The following GPR89B variants were observed in gnomAD, a reference collection of about 807,000 sequenced individuals.
GPR89B encodes golgi pH regulator B.
A neutral mutation model predicts 52.4 loss-of-function variants in GPR89B; 25 were observed. The ratio of observed to expected loss-of-function variants is 0.48; its 90% CI spans 0.35 to 0.67. The LOEUF (loss-of-function observed/expected upper bound fraction) is 0.67. Among genes scored for constraint, GPR89B ranks in the 30% least tolerant of loss-of-function variants. The pLI, the probability that GPR89B is intolerant of heterozygous loss-of-function variation, is 0.01. For synonymous variants in GPR89B, 52 were observed against 151.2 expected (o/e 0.34, Z 4.81); for missense variants, 146 against 450.2 (o/e 0.32, Z 6.11).
chr1:147,981,636 T>C (rs1658260593), intron 10 of GPR89B, among the ~76,000 whole-genome samples: 3 of 151,558 alleles, frequency 2.0e-5, no homozygotes, highest in Non-Finnish European at 4.4e-5. Context: ...AATGCTGATG[T>C]GAACATTTGT....
At chr1:147,990,820 G>T (rs2149096714) in intron 12 of GPR89B, among the ~76,000 whole-genome samples, 2 of 151,066 alleles carry the variant, frequency 1.3e-5, no homozygotes, top group South Asian at 4.2e-4. Context: ...CTCTGTTTTG[G>T]TACCAGTACC....
the GPR89B span, among the ~76,000 whole-genome samples, chr1:148,025,523 C>CAAAAAAAAA: frequency 1.7e-4 from 5 of 29,686 alleles, no homozygotes; most frequent in Admixed American, 5.0e-4. Context: ...AACTCTGTCT[C>CAAAAAAAAA]AAAAAAAAAA....
At chr1:147,945,762 T>C (rs1438470793) in intron 5 of GPR89B, among the ~76,000 whole-genome samples, 2 of 151,042 alleles carry the variant, frequency 1.3e-5, no homozygotes, top group African/African-American at 4.9e-5. Flanking sequence ...GGTCTCACTC[T>C]CACCCAGGCT....
intron 5 of GPR89B, among the ~76,000 whole-genome samples, chr1:147,950,093 C>T (rs1457934948): frequency 4.0e-5 from 6 of 151,310 alleles, no homozygotes; most frequent in South Asian, 2.1e-4. Flanking sequence ...ACCTCCCTCC[C>T]GGACGGGGTG....
chr1:147,934,622 C>G (rs1471532182), intron 1 of GPR89B, among the ~76,000 whole-genome samples: 1 of 152,190 alleles, frequency 6.6e-6, no homozygotes, highest in African/African-American at 2.4e-5. Context: ...CAAATTAAAA[C>G]TTCCTTCGGC....
At chr1:147,991,877 A>G (rs1230296100) in intron 12 of GPR89B, among the ~76,000 whole-genome samples, 3 of 151,824 alleles carry the variant, frequency 2.0e-5, no homozygotes, top group Non-Finnish European at 4.4e-5. Context: ...TTTTGCATCG[A>G]TGTTCATCAG....
Position 147,983,475 on chromosome 1 carries a change from T to A in GPR89B, c.910-2724T>A, listed in dbSNP as rs1311175562. Among the ~76,000 whole-genome samples the A allele has an allele frequency of 5.3e-5, 8 of 151,894 alleles. No homozygotes were observed. The South Asian group carries it at 1.5e-3, about 28-fold the overall frequency. On this transcript the variant is annotated intron_variant, in intron 10 of 13. Coordinates refer to ENST00000314163, the MANE Select transcript of GPR89B (RefSeq NM_016334.5). ...AATCTACAATGAACTCAAACAAATT[T>A]ACAAGAAAAAAACAAACAACCCCAT...
the GPR89B span, among the ~76,000 whole-genome samples, chr1:148,022,968 G>C: frequency 6.6e-6 from 1 of 151,742 alleles, no homozygotes; most frequent in Non-Finnish European, 1.5e-5. Context: ...TTTTGTTCTT[G>C]TTAAAATCTC....
At chr1:148,015,121 C>T in the GPR89B span, among the ~76,000 whole-genome samples, 1 of 151,384 alleles carries the variant, frequency 6.6e-6, no homozygotes, top group South Asian at 2.1e-4. Flanking sequence ...CTGGTTCAAG[C>T]TCGTTCTACT....
At chr1:148,017,103 G>A in the GPR89B span, among the ~76,000 whole-genome samples, 3,224 of 151,582 alleles carry the variant, frequency 0.021, 171 homozygotes, top group African/African-American at 0.073. Flanking sequence ...GTGCAGTGGC[G>A]CGATATTGGC....
At chr1:147,977,039 C>A (rs1425054239) in intron 10 of GPR89B, among the ~76,000 whole-genome samples, 1 of 151,356 alleles carries the variant, frequency 6.6e-6, no homozygotes, top group Non-Finnish European at 1.5e-5. Flanking sequence ...TCGAGACCAT[C>A]CTGGCTAACA....
At chr1:147,932,544 T>G (rs1653735007) in intron 1 of GPR89B, among the ~76,000 whole-genome samples, 2 of 152,156 alleles carry the variant, frequency 1.3e-5, no homozygotes, top group Non-Finnish European at 2.9e-5. Flanking sequence ...TCTCTGAATC[T>G]TTGTCACTCT....
the GPR89B span, among the ~76,000 whole-genome samples, chr1:148,013,144 T>C: frequency 2.6e-5 from 4 of 152,054 alleles, no homozygotes; most frequent in Non-Finnish European, 5.9e-5. Context: ...AATGAGTAAC[T>C]TGGGGCGGGC....
intron 12 of GPR89B, among the ~76,000 whole-genome samples, chr1:147,989,427 C>CT (rs1170851684): frequency 0.016 from 2,221 of 139,390 alleles, 58 homozygotes; most frequent in African/African-American, 0.052. Context: ...CAACTATTTT[C>CT]TTTTTTTTTT....
At chr1:147,981,542 T>G (rs1658252540) in intron 10 of GPR89B, among the ~76,000 whole-genome samples, 1 of 150,122 alleles carries the variant, frequency 6.7e-6, no homozygotes, top group African/African-American at 2.5e-5. Flanking sequence ...AATATCTATT[T>G]CATTTTATAG....
At chr1:148,001,856 C>T in the GPR89B span, among the ~76,000 whole-genome samples, 15 of 151,620 alleles carry the variant, frequency 9.9e-5, no homozygotes, top group South Asian at 2.1e-4. Flanking sequence ...CTTGTAGCCA[C>T]GCGTCTTATG....
At chr1:147,977,233 CAAAAAAAAAAA>C (rs1191631857) in intron 10 of GPR89B, among the ~76,000 whole-genome samples, 1 of 41,326 alleles carries the variant, frequency 2.4e-5, no homozygotes. Flanking sequence ...GACTCCATCT[CAAAAAAAAAAA>C]AAAAAAAAAA....
chr1:147,947,237 C>T (rs1553249950), intron 5 of GPR89B, among the ~76,000 whole-genome samples: 1 of 151,602 alleles, frequency 6.6e-6, no homozygotes, highest in Non-Finnish European at 1.5e-5. Flanking sequence ...CCCCGGAGGC[C>T]GGAGACACAA....
At chr1:148,006,718 CTT>C in the GPR89B span, among the ~76,000 whole-genome samples, 21 of 142,776 alleles carry the variant, frequency 1.5e-4, no homozygotes, top group African/African-American at 2.3e-4. Context: ...ACTTTACAGC[CTT>C]TTTTTTTTTT....
Sources: gnomAD v4.1 joint callset for allele counts (sites outside exome capture counted in the v4.1 genomes callset) on GRCh38, gnomAD v4.1.1 for gene constraint, MANE v1.5 for transcripts, NCBI Gene and HGNC (gene_info 2026-07-23, HGNC 2026-07-21) for gene names.